CCDC3: variants seen among roughly 807,000 people sequenced by gnomAD.
The protein encoded by CCDC3 is coiled-coil domain containing 3.
A neutral mutation model predicts 21.4 loss-of-function variants in CCDC3; 24 were observed. That is an observed-to-expected ratio of 1.12 (90% confidence interval 0.81 to 1.58). The LOEUF (loss-of-function observed/expected upper bound fraction) is 1.58. Ranked by LOEUF, CCDC3 falls within the 40% of genes most tolerant of loss-of-function variation. The pLI is 0.00. For missense variants in CCDC3, 425 were observed against 360.9 expected (o/e 1.18, Z -1.44); for synonymous variants, 186 against 166.0 (o/e 1.12, Z -0.93).
At chr10:12,916,845 TG>T in intron 2 of CCDC3, among the ~76,000 whole-genome samples, 1 of 152,262 alleles carries the variant, frequency 6.6e-6, no homozygotes, top group African/African-American at 2.4e-5. Context: ...TGTCTGGTGC[TG>T]GGGTGGATCT....
At chr10:12,926,432 C>T (rs965403757) in intron 2 of CCDC3, among the ~76,000 whole-genome samples, 1 of 152,116 alleles carries the variant, frequency 6.6e-6, no homozygotes, top group Non-Finnish European at 1.5e-5. Flanking sequence ...TCTAGAGTGC[C>T]TTATTTATGA....
chr10:12,952,111 T>C (rs1400347081), intron 2 of CCDC3, among the ~76,000 whole-genome samples: 1 of 152,152 alleles, frequency 6.6e-6, no homozygotes, highest in Non-Finnish European at 1.5e-5. Context: ...GCCAAACTGA[T>C]CGTGCCCAAA....
intron 2 of CCDC3, among the ~76,000 whole-genome samples, chr10:12,994,274 T>C (rs1216198064): frequency 6.6e-6 from 1 of 152,084 alleles, no homozygotes; most frequent in African/African-American, 2.4e-5. Context: ...GGTGGGTGCC[T>C]GTAATCCCAG....
intron 5 of CCDC3, among the ~76,000 whole-genome samples, chr10:13,028,323 A>T (rs142622971): frequency 2.5e-3 from 373 of 152,242 alleles, no homozygotes; most frequent in Non-Finnish European, 4.3e-3. Flanking sequence ...TCACCTTCTG[A>T]CATGATTGTG....
chr10:12,939,828 AACG>A (rs1201440581), intron 2 of CCDC3, among the ~76,000 whole-genome samples: 4 of 152,236 alleles, frequency 2.6e-5, no homozygotes, highest in Admixed American at 1.3e-4. Flanking sequence ...TAACAACAAC[AACG>A]ACAACAAAAC....
At chr10:13,043,787 G>T (rs1367904420) in intron 5 of CCDC3, among the ~76,000 whole-genome samples, 1 of 152,066 alleles carries the variant, frequency 6.6e-6, no homozygotes, top group African/African-American at 2.4e-5. Context: ...CCATGTCTTT[G>T]CTATTGTCAA....
intron 3 of CCDC3, among the ~76,000 whole-genome samples, chr10:13,086,534 G>C (rs545544416): frequency 6.6e-6 from 1 of 152,102 alleles, no homozygotes; most frequent in Admixed American, 6.5e-5. Flanking sequence ...TCAGCTCACC[G>C]CAACCTCCGC....
intron 2 of CCDC3, among the ~76,000 whole-genome samples, chr10:12,919,059 A>C (rs1229990741): frequency 1.3e-5 from 2 of 150,648 alleles, no homozygotes; most frequent in Non-Finnish European, 2.9e-5. Flanking sequence ...CCATCTCGAA[A>C]AACAAAACAA....
At chr10:13,053,206 T>G (rs576684414) in intron 4 of CCDC3, among the ~76,000 whole-genome samples, 1 of 152,338 alleles carries the variant, frequency 6.6e-6, no homozygotes, top group East Asian at 1.9e-4. Flanking sequence ...TTTTTGTTTT[T>G]GTTCTTGTAG....
chr10:13,020,368 G>A (rs550075856), intron 5 of CCDC3, among the ~76,000 whole-genome samples: 7 of 152,242 alleles, frequency 4.6e-5, no homozygotes, highest in South Asian at 4.2e-4. Flanking sequence ...CAGTTAGCGC[G>A]GTTTAGCAAG....
At chr10:13,077,717 C>T (rs1836983880) in intron 3 of CCDC3, among the ~76,000 whole-genome samples, 2 of 152,182 alleles carry the variant, frequency 1.3e-5, no homozygotes, top group African/African-American at 2.4e-5. Context: ...CATCTACAAT[C>T]ATCTGATCTT....
intron 5 of CCDC3, among the ~76,000 whole-genome samples, chr10:13,013,295 C>A (rs1212818455): frequency 2.6e-5 from 4 of 152,130 alleles, no homozygotes; most frequent in African/African-American, 9.7e-5. Flanking sequence ...GATGAGTGGA[C>A]ATGAAAATTC....
rs1561571 is a variant in CCDC3 at position 13,042,327 on chromosome 10, A to T, written c.-2+7347T>A. The stretch of plus-strand genomic sequence containing the variant: ...CTACGGCTTGGGAACTAGGACCAAC[A>T]TTTCACCTTCTACTTTCTGAGGCTT... On this transcript the variant is annotated intron_variant, in intron 5 of 6. Coordinates refer to the CCDC3 transcript ENST00000378839. Among the ~76,000 whole-genome samples, 582 of 152,308 alleles carry T rather than the reference A, an allele frequency of 3.8e-3. 6 individuals carry two copies. Among genetic ancestry groups the T allele is most frequent in the African/African-American group, 0.013 (550 of 41,568 alleles).
chr10:13,003,460 G>C (rs1280529741), upstream of CCDC3, among the ~76,000 whole-genome samples: 1 of 152,140 alleles, frequency 6.6e-6, no homozygotes, highest in Non-Finnish European at 1.5e-5. Flanking sequence ...CACTAGAATA[G>C]GGCCAAATAT....
In CCDC3 at chr10:12,948,924, G is replaced by C. The variant is rs58227720; in HGVS notation, c.549+49414C>G. ...TTTTTTGTATTTTTAGTACAGACAGGGTTTTACCGTGTTAGCCAGGATGGT... is the reference window on the plus strand; with the variant it reads ...TTTTTTGTATTTTTAGTACAGACAGCGTTTTACCGTGTTAGCCAGGATGGT... On this transcript the variant is annotated intron_variant, in intron 2 of 2. Coordinates refer to ENST00000378825, the MANE Select transcript of CCDC3 (RefSeq NM_031455.4). Among the ~76,000 whole-genome samples, 644 of 151,836 alleles carry C rather than the reference G, an allele frequency of 4.2e-3. 8 individuals are homozygous for C. The highest frequency in any genetic ancestry group is 0.015 in the African/African-American group (614 of 41,418).
intron 4 of CCDC3, among the ~76,000 whole-genome samples, chr10:13,060,783 G>A (rs1013111829): frequency 1.2e-4 from 18 of 152,276 alleles, no homozygotes; most frequent in Non-Finnish European, 2.2e-4. Context: ...TAGGATTACA[G>A]GTGTGAGCCA....
intron 2 of CCDC3, among the ~76,000 whole-genome samples, chr10:12,957,479 G>A (rs1021607162): frequency 2.6e-4 from 39 of 152,294 alleles, no homozygotes; most frequent in Middle Eastern, 3.4e-3. Context: ...GAAAGCCGAC[G>A]ACATAGTTTG....
At chr10:13,000,477 A>G (rs1835829616) in intron 1 of CCDC3, among the ~76,000 whole-genome samples, 1 of 151,982 alleles carries the variant, frequency 6.6e-6, no homozygotes, top group Admixed American at 6.6e-5. Context: ...GGCCTGGTTC[A>G]CCTCTCCACT....
chr10:13,091,446 G>A (rs1206117089), intron 3 of CCDC3, among the ~76,000 whole-genome samples: 1 of 152,126 alleles, frequency 6.6e-6, no homozygotes, highest in East Asian at 1.9e-4. Flanking sequence ...CCAGGAGGCA[G>A]GCCCTCACCA....
Sources: allele counts gnomAD v4.1 joint callset (sites outside exome capture counted in the v4.1 genomes callset), GRCh38; gene constraint gnomAD v4.1.1; transcripts MANE v1.5; gene names NCBI Gene and HGNC (gene_info 2026-07-23, HGNC 2026-07-21).